ITPR2: variants seen among roughly 807,000 people sequenced by gnomAD.
The protein encoded by ITPR2 is inositol 1,4,5-trisphosphate-gated calcium channel ITPR2.
ITPR2 carries 207 observed loss-of-function variants against 317.1 expected under a neutral mutation model. The ratio of observed to expected loss-of-function variants is 0.65; its 90% CI spans 0.58 to 0.73. The LOEUF is 0.73. Among genes scored for constraint, ITPR2 ranks in the 30% least tolerant of loss-of-function variants. The probability of loss-of-function intolerance (pLI) is 0.00; values close to 1 mark genes in which losing one functional copy is unlikely to be tolerated. For synonymous variants in ITPR2, 1,156 were observed against 1,149.1 expected, an observed-to-expected ratio of 1.01 and a Z score of -0.12; for missense variants, 2,613 against 3,284.0, an observed-to-expected ratio of 0.80 and a Z score of 4.99.
intron 9 of ITPR2, among the ~76,000 whole-genome samples, chr12:26,705,820 T>TGAA (rs1948540310): frequency 6.6e-6 from 1 of 152,190 alleles, no homozygotes; most frequent in Non-Finnish European, 1.5e-5. Flanking sequence ...TCACCATTAC[T>TGAA]GAAGCCTCTC....
chr12:26,391,221 T>C (rs1233910965), intron 54 of ITPR2, among the ~76,000 whole-genome samples: 2 of 152,238 alleles, frequency 1.3e-5, no homozygotes, highest in Non-Finnish European at 2.9e-5. Context: ...TCTGACCTTT[T>C]AGCATGTGAG....
Position 26,384,737 on chromosome 12 carries a change from C to T in ITPR2, c.7857+2697G>A, listed in dbSNP as rs140900789. 9.1e-3 allele frequency among the ~76,000 whole-genome samples: 1,386 copies of T among 152,314 alleles called. 13 individuals are homozygous for T. Among genetic ancestry groups the T allele is most frequent in the Middle Eastern group, 0.017 (5 of 294 alleles). On this transcript the variant is annotated intron_variant, in intron 55 of 56. Transcript: ENST00000381340. ...CTGTTTCTTCTTTCTGGCCTCTTTG[C>T]AGCAATTGATGCTGTTGGACTCTGA...
intron 13 of ITPR2, among the ~76,000 whole-genome samples, chr12:26,666,321 C>T (rs1308688965): frequency 2.0e-5 from 3 of 152,092 alleles, no homozygotes; most frequent in Non-Finnish European, 2.9e-5. Flanking sequence ...TTTACCTAAG[C>T]CTTTACAAAG....
At chr12:26,560,242 T>G (rs1944776959) in intron 35 of ITPR2, among the ~76,000 whole-genome samples, 1 of 152,154 alleles carries the variant, frequency 6.6e-6, no homozygotes, top group Admixed American at 6.5e-5. Context: ...CACTTTTTTT[T>G]CTTGCACTCT....
intron 54 of ITPR2, among the ~76,000 whole-genome samples, chr12:26,388,727 C>CTTATTTTT (rs1241759051): frequency 7.9e-5 from 12 of 152,086 alleles, no homozygotes; most frequent in Non-Finnish European, 1.8e-4. Context: ...AGTAAAAAAT[C>CTTATTTTT]TGTCCCCATT....
chr12:26,341,946 T>C lies in ITPR2; in HGVS notation c.7858-1618A>G, dbSNP rs146275979. ...ATCATTAAAGTGTTAAGGACTCTGG[T>C]TTACAGAAACAGAGAAGACAGTGGC... On this transcript the variant is annotated intron_variant, in intron 55 of 56. Transcript: ENST00000381340. 6.6e-5 allele frequency among the ~76,000 whole-genome samples: 10 copies of C among 152,228 alleles called. No individual in the cohort carries two copies. In the East Asian group the frequency reaches 1.9e-3, roughly 29 times the overall value.
chr12:26,771,486 TTTG>T (rs1476670373), intron 2 of ITPR2, among the ~76,000 whole-genome samples: 1 of 152,086 alleles, frequency 6.6e-6, no homozygotes, highest in Non-Finnish European at 1.5e-5. Context: ...TTGTGGGTTG[TTTG>T]TTTTTTGTTG....
At chr12:26,725,540 T>G in intron 3 of ITPR2, 110 bp downstream of exon 3, 1 of 713,044 alleles carries the variant, frequency 1.4e-6, no homozygotes, top group Non-Finnish European at 2.4e-6. Context: ...ATATGTATTC[T>G]AAATCTCTGT....
chr12:26,537,458 C>G (rs1224696212), intron 37 of ITPR2, among the ~76,000 whole-genome samples: 1 of 152,174 alleles, frequency 6.6e-6, no homozygotes, highest in Non-Finnish European at 1.5e-5. Flanking sequence ...TATTGCTTAC[C>G]TTCTGGTGAA....
rs554042819 is a variant in ITPR2, at chr12:26,398,254, C to T, written c.7696+622G>A. ...CCTGGCCAACATGGCAAAACCCCGG[C>T]TCTACTGAAAATACAAAAATTAGCC... On this transcript the variant is annotated intron_variant, in intron 54 of 56. Transcript: ENST00000381340. 3.3e-5 allele frequency among the ~76,000 whole-genome samples: 5 copies of T among 152,228 alleles called. 1 individual carries two copies. The highest frequency in any genetic ancestry group is 1.2e-4 in the African/African-American group (5 of 41,530).
chr12:26,671,374 A>G (rs1947767426), intron 13 of ITPR2, among the ~76,000 whole-genome samples: 1 of 152,248 alleles, frequency 6.6e-6, no homozygotes, highest in Admixed American at 6.5e-5. Context: ...TACAAGCCAG[A>G]AGACAGTGGG....
At position 26,368,195 on chromosome 12, in the gene ITPR2, A is replaced by G. The variant is rs181754611; in HGVS notation, c.7857+19239T>C. 3.5e-3 allele frequency among the ~76,000 whole-genome samples: 528 copies of G among 152,336 alleles called. 1 individual carries two copies. Among genetic ancestry groups the G allele is most frequent in the Non-Finnish European group, 5.9e-3 (400 of 68,024 alleles). On this transcript the variant is annotated intron_variant, in intron 55 of 56. Transcript: ENST00000381340. Reference sequence around the variant, plus strand: ...TGTCCAGACTTGTGGTTTTAATTACAACACCACAAAATATCAGCACTCAAA... The same window carrying G: ...TGTCCAGACTTGTGGTTTTAATTACGACACCACAAAATATCAGCACTCAAA...
At position 26,336,244 on chromosome 12, in the gene ITPR2, G is replaced by A. The variant is rs781419128; in HGVS notation, c.*3153C>T. Among the ~76,000 whole-genome samples, 51 of 152,120 alleles carry A rather than the reference G, an allele frequency of 3.4e-4. No homozygotes were observed. The highest frequency in any genetic ancestry group is 6.8e-4 in the Non-Finnish European group (46 of 68,032). On this transcript the variant is annotated 3_prime_UTR_variant, in exon 57 of 57. Transcript: ENST00000381340. ...GCCTCCCCACTCATTCTCAGTCCTG[G>A]GGACTGGGGGCTAGTGGCTGAGTGT...
intron 55 of ITPR2, among the ~76,000 whole-genome samples, chr12:26,349,348 C>T (rs1016032453): frequency 2.0e-5 from 3 of 152,226 alleles, no homozygotes; most frequent in African/African-American, 7.2e-5. Flanking sequence ...CCTGTCTATT[C>T]TGTCTGGATC....
Position 26,467,357 on chromosome 12 carries a change from ATC to A in ITPR2, c.6342+7937_6342+7938del, listed in dbSNP as rs914674592. Among the ~76,000 whole-genome samples, 6 of 150,300 alleles carry A rather than the reference ATC, an allele frequency of 4.0e-5. No homozygotes were observed. In the East Asian group the frequency reaches 5.8e-4, roughly 15 times the overall value. ...GCTGTTCCTGCCATTCTCTTTCTCTATCTCTCTCTCTCTCTCTTTCTCTTTCT... is the reference window on the plus strand; with the variant it reads ...GCTGTTCCTGCCATTCTCTTTCTCTATCTCTCTCTCTCTCTTTCTCTTTCT... On this transcript the variant is annotated intron_variant, in intron 45 of 56. Transcript: ENST00000381340.
intron 51 of ITPR2, among the ~76,000 whole-genome samples, chr12:26,414,640 T>A (rs888799434): frequency 2.0e-5 from 3 of 151,782 alleles, no homozygotes; most frequent in Non-Finnish European, 4.4e-5. Flanking sequence ...GCTTAATAAA[T>A]AAAAAAATCA....
chr12:26,462,937 G>A (rs897751965), intron 45 of ITPR2, among the ~76,000 whole-genome samples: 6 of 152,132 alleles, frequency 3.9e-5, no homozygotes, highest in Non-Finnish European at 8.8e-5. Flanking sequence ...CTCTCAAAGT[G>A]CTGGGATTAC....
chr12:26,385,068 C>A (rs573252788), intron 55 of ITPR2, among the ~76,000 whole-genome samples: 1 of 152,310 alleles, frequency 6.6e-6, no homozygotes, highest in African/African-American at 2.4e-5. Context: ...GAGTGCACAA[C>A]CCTCCTGTGG....
intron 45 of ITPR2, among the ~76,000 whole-genome samples, chr12:26,446,974 T>C (rs1385918706): frequency 6.6e-6 from 1 of 152,044 alleles, no homozygotes; most frequent in Non-Finnish European, 1.5e-5. Context: ...CTCCTCCCTG[T>C]TCTGTGTTCT....
Sources: gnomAD v4.1 joint callset for allele counts (sites outside exome capture counted in the v4.1 genomes callset) on GRCh38, gnomAD v4.1.1 for gene constraint, MANE v1.5 for transcripts, NCBI Gene and HGNC (gene_info 2026-07-23, HGNC 2026-07-21) for gene names.